The following CATSPERB variants were observed in gnomAD, a reference collection of about 807,000 sequenced individuals.
The protein encoded by CATSPERB is catsper channel auxiliary subunit beta, also known as cation channel sperm-associated auxiliary subunit beta.
Under a neutral mutation model 128.3 loss-of-function variants are expected in CATSPERB, and 93 were observed. The observed-to-expected ratio is 0.72, with a 90% CI of 0.61 to 0.86. The LOEUF (loss-of-function observed/expected upper bound fraction) is 0.86. Among genes scored for constraint, CATSPERB ranks in the 40% least tolerant of loss-of-function variants. The pLI, the probability that CATSPERB is intolerant of heterozygous loss-of-function variation, is 0.00. For missense variants in CATSPERB, 1,153 were observed against 1,329.5 expected (o/e 0.87, Z 2.06); for synonymous variants, 381 against 448.8 (o/e 0.85, Z 1.91).
chr14:91,587,101 ACAAATTCTGC>A, intron 26 of CATSPERB, 91 bp downstream of exon 26: 1 of 890,980 alleles, frequency 1.1e-6, no homozygotes, highest in Non-Finnish European at 1.7e-6. Context: ...TGTCCATCAC[ACAAATTCTGC>A]CAATTTTTTC....
At chr14:91,719,054 C>A (rs894035272) in intron 5 of CATSPERB, among the ~76,000 whole-genome samples, 1 of 152,114 alleles carries the variant, frequency 6.6e-6, no homozygotes, top group African/African-American at 2.4e-5. Context: ...TAAAATAACA[C>A]ATATTTATAG....
chr14:91,729,360 T>G, intron 2 of CATSPERB, 41 bp downstream of exon 2: 2 of 899,864 alleles, frequency 2.2e-6, no homozygotes, highest in South Asian at 4.0e-5. Context: ...AAATAAGAAC[T>G]CCTGAGAAGG....
chr14:91,588,035 T>C lies in CATSPERB; in HGVS notation c.3000A>G (p.Val1000=). ...PENIKRMKQL[V]EPILGAAVYN... ...ACACTGCAGCACCAAGAATTGGTTC[T>C]ACTAATTGTTTCATTCTTTTAATAT... is the stretch of plus-strand genomic sequence containing the variant. Residue 1000 remains valine, a synonymous_variant, in exon 25 of 27, where the codon GTA becomes GTG. Coordinates refer to ENST00000256343, the MANE Select transcript of CATSPERB (RefSeq NM_024764.4). The C allele has an allele frequency of 2.5e-6, 4 of 1,612,186 alleles. No individual in the cohort carries two copies. The highest frequency in any genetic ancestry group is 2.5e-6 in the Non-Finnish European group (3 of 1,178,604).
At chr14:91,626,631 G>A (rs142566745) in intron 17 of CATSPERB, among the ~76,000 whole-genome samples, 15 of 152,060 alleles carry the variant, frequency 9.9e-5, no homozygotes, top group African/African-American at 2.7e-4. Context: ...CTTCATATGC[G>A]TGCTCACATG....
Position 91,691,528 on chromosome 14 carries a change from CA to C in CATSPERB, c.858del (p.Phe286LeufsTer7), listed in dbSNP as rs768696517. Reference sequence around the variant, plus strand: ...GGAAATATAAAGCTTCTTACCCTTTCAAAACCACAAAAGTCTGCCCTGGAAA... The same window carrying C: ...GGAAATATAAAGCTTCTTACCCTTTCAAACCACAAAAGTCTGCCCTGGAAA... The part of the protein sequence containing the change: ...LSFSRADFCG[F>X]ERVDYVKGKL... On this transcript the variant is annotated frameshift_variant, in exon 10 of 27. Coordinates refer to ENST00000256343, the MANE Select transcript of CATSPERB (RefSeq NM_024764.4). LOFTEE classifies it high-confidence loss of function. 3.1e-5 allele frequency: 49 copies of C among 1,603,706 alleles called. No individual in the cohort carries two copies. The highest frequency in any genetic ancestry group is 3.7e-5 in the Non-Finnish European group (43 of 1,174,976).
At chr14:91,625,862 A>T (rs1376089997) in intron 17 of CATSPERB, among the ~76,000 whole-genome samples, 1 of 152,214 alleles carries the variant, frequency 6.6e-6, no homozygotes, top group Non-Finnish European at 1.5e-5. Flanking sequence ...GCAGTGGCTC[A>T]CACCGGTAAT....
At chr14:91,625,920 T>C (rs779847344) in intron 17 of CATSPERB, among the ~76,000 whole-genome samples, 2 of 151,444 alleles carry the variant, frequency 1.3e-5, no homozygotes, top group Non-Finnish European at 2.9e-5. Flanking sequence ...AGCCTAGGAG[T>C]TCAAGACCAG....
intron 21 of CATSPERB, among the ~76,000 whole-genome samples, chr14:91,609,069 T>C (rs916745994): frequency 6.6e-6 from 1 of 152,172 alleles, no homozygotes; most frequent in Non-Finnish European, 1.5e-5. Context: ...GAAAATGGAT[T>C]TATAGTAGTA....
chr14:91,623,534 A>G (rs756150635), intron 18 of CATSPERB, among the ~76,000 whole-genome samples: 15 of 152,196 alleles, frequency 9.9e-5, no homozygotes, highest in Non-Finnish European at 8.8e-5. Context: ...TAGCCCAGCC[A>G]TCTTCCCTGA....
At chr14:91,624,212 T>C (rs1894109261) in intron 18 of CATSPERB, among the ~76,000 whole-genome samples, 1 of 152,182 alleles carries the variant, frequency 6.6e-6, no homozygotes, top group Non-Finnish European at 1.5e-5. Context: ...CCGGGTGCAG[T>C]GGCTCATGCC....
At chr14:91,588,818 T>C (rs1053694956) in intron 24 of CATSPERB, among the ~76,000 whole-genome samples, 2 of 152,192 alleles carry the variant, frequency 1.3e-5, no homozygotes, top group African/African-American at 4.8e-5. Flanking sequence ...GGGATGTCAG[T>C]TAATGCAAAA....
intron 1 of CATSPERB, 115 bp from the exon 2 acceptor site, chr14:91,729,594 C>T: frequency 1.9e-6 from 1 of 522,904 alleles, no homozygotes; most frequent in Non-Finnish European, 3.3e-6. Flanking sequence ...CTTAATATTT[C>T]ACACTGTGTG....
At chr14:91,636,168 G>A (rs1028809958) in intron 17 of CATSPERB, 1 of 353,930 alleles carries the variant, frequency 2.8e-6, no homozygotes, top group East Asian at 4.5e-5. Flanking sequence ...TTTGAGACCA[G>A]CCTGGGCAAC....
At chr14:91,582,137 T>C (rs149043607) in intron 26 of CATSPERB, among the ~76,000 whole-genome samples, 75 of 152,316 alleles carry the variant, frequency 4.9e-4, no homozygotes, top group African/African-American at 1.7e-3. Context: ...GTAGCCTCCT[T>C]CCCAGCCCAC....
At position 91,719,082 on chromosome 14, in the gene CATSPERB, C is replaced by T. The variant is rs114407292; in HGVS notation, c.370+336G>A. Among the ~76,000 whole-genome samples the T allele has an allele frequency of 5.2e-3, 790 of 152,220 alleles. 7 individuals are homozygous for T. Among genetic ancestry groups the T allele is most frequent in the African/African-American group, 0.018 (738 of 41,532 alleles). On this transcript the variant is annotated intron_variant, in intron 5 of 26. Coordinates refer to ENST00000256343, the MANE Select transcript of CATSPERB (RefSeq NM_024764.4). ...ATTTATAGCTTATAACATATTAAAA[C>T]TAATGATTCATCTTCAGTAAAATAA...
At chr14:91,612,351 G>A (rs1025662492) in intron 20 of CATSPERB, among the ~76,000 whole-genome samples, 10 of 152,228 alleles carry the variant, frequency 6.6e-5, no homozygotes, top group Admixed American at 6.5e-4. Context: ...GGGTCTCGCT[G>A]TGTTGCCTAG....
At chr14:91,731,160 G>A (rs1896203505) in intron 1 of CATSPERB, among the ~76,000 whole-genome samples, 1 of 152,164 alleles carries the variant, frequency 6.6e-6, no homozygotes. Flanking sequence ...TGGGTCACCT[G>A]TGCAAACTCG....
intron 22 of CATSPERB, among the ~76,000 whole-genome samples, chr14:91,595,383 G>C (rs1893487601): frequency 6.6e-6 from 1 of 151,768 alleles, no homozygotes; most frequent in Non-Finnish European, 1.5e-5. Context: ...TAGCCAGGAT[G>C]GTCTCAATCT....
chr14:91,614,234 T>C (rs963317102), intron 20 of CATSPERB, among the ~76,000 whole-genome samples: 7 of 152,032 alleles, frequency 4.6e-5, no homozygotes, highest in Admixed American at 6.5e-5. Flanking sequence ...ATAAAGTAAC[T>C]TTCCCAAGGT....
Sources: allele counts gnomAD v4.1 joint callset (sites outside exome capture counted in the v4.1 genomes callset), GRCh38; gene constraint gnomAD v4.1.1; transcripts MANE v1.5; gene names NCBI Gene and HGNC (gene_info 2026-07-23, HGNC 2026-07-21).